Variants in TRIM71 observed in about 807,000 individuals in gnomAD.
The protein encoded by TRIM71 is E3 ubiquitin-protein ligase TRIM71.
A neutral mutation model predicts 61.2 loss-of-function variants in TRIM71; 9 were observed. The observed-to-expected ratio is 0.15, with a 90% CI of 0.09 to 0.26. The LOEUF (loss-of-function observed/expected upper bound fraction) is 0.26. Among genes scored for constraint, TRIM71 ranks in the 10% least tolerant of loss-of-function variants. TRIM71 has a pLI of 1.00. For missense variants in TRIM71, 998 were observed against 1,238.7 expected, an observed-to-expected ratio of 0.81 and a Z score of 2.92; for synonymous variants, 645 against 553.2, an observed-to-expected ratio of 1.17 and a Z score of -2.33.
intron 1 of TRIM71, among the ~76,000 whole-genome samples, chr3:32,823,859 G>T (rs1696168609): frequency 6.6e-6 from 1 of 152,126 alleles, no homozygotes; most frequent in South Asian, 2.1e-4. Flanking sequence ...GGATCACGAG[G>T]TCAAGAGATC....
intron 1 of TRIM71, among the ~76,000 whole-genome samples, chr3:32,819,514 C>T (rs564066204): frequency 3.9e-5 from 6 of 152,304 alleles, no homozygotes; most frequent in African/African-American, 1.4e-4. Flanking sequence ...GCAGTCCTTG[C>T]CTCCTTATGT....
chr3:32,873,693 G>A lies in TRIM71; in HGVS notation c.853-125G>A, dbSNP rs957088226. 5.9e-6 allele frequency: 5 copies of A among 840,670 alleles called. No individual in the cohort carries two copies. The African/African-American group carries it at 6.8e-5, about 11-fold the overall frequency. 52.1% of individuals were successfully genotyped at this position (840,670 alleles called of 1,614,324 possible). On this transcript the variant is annotated intron_variant, in intron 1 of 3. Transcript: ENST00000383763. ...TACGCCACTGCTGCCTCTCCCTTTG[G>A]GGTGTGCTTGCTCATTGGGGAAGCT...
chr3:32,836,396 T>C (rs1023374530), intron 1 of TRIM71, among the ~76,000 whole-genome samples: 1 of 152,172 alleles, frequency 6.6e-6, no homozygotes, highest in Non-Finnish European at 1.5e-5. Flanking sequence ...TGGGCTGATA[T>C]CTTGGGTTAA....
chr3:32,846,763 A>G (rs192435745), intron 1 of TRIM71, among the ~76,000 whole-genome samples: 229 of 150,274 alleles, frequency 1.5e-3, no homozygotes, highest in African/African-American at 5.4e-3. Context: ...TTTAGATTCC[A>G]TATATAAGTG....
At chr3:32,874,258 C>A (rs897220699) in intron 2 of TRIM71, among the ~76,000 whole-genome samples, 1 of 152,042 alleles carries the variant, frequency 6.6e-6, no homozygotes, top group African/African-American at 2.4e-5. Flanking sequence ...AGCCACCTCC[C>A]GAAATCAAAG....
At chr3:32,860,179 A>T (rs1384041149) in intron 1 of TRIM71, among the ~76,000 whole-genome samples, 1 of 126,112 alleles carries the variant, frequency 7.9e-6, no homozygotes, top group African/African-American at 3.1e-5. Context: ...TCCCTCTCTG[A>T]TGGAATTTCA....
At chr3:32,859,067 A>T (rs1696637767) in intron 1 of TRIM71, among the ~76,000 whole-genome samples, 1 of 152,108 alleles carries the variant, frequency 6.6e-6, no homozygotes, top group Non-Finnish European at 1.5e-5. Context: ...TGACCTGCTC[A>T]GTCTGGGCAG....
Position 32,893,604 on chromosome 3 carries a change from C to G in TRIM71, c.*1793C>G, listed in dbSNP as rs985701934. On this transcript the variant is annotated 3_prime_UTR_variant, in exon 4 of 4. Coordinates refer to ENST00000383763, the MANE Select transcript of TRIM71 (RefSeq NM_001039111.3). ...TCTTGTTTAAAGACTTATGGATCAA[C>G]TTCTGTTCCTCTGTTTAAGAGAAAT... 1 of 152,198 alleles carries G rather than the reference C, an allele frequency of 6.6e-6. No homozygotes were observed. The highest frequency in any genetic ancestry group is 1.5e-5 in the Non-Finnish European group (1 of 68,042). 9.4% of individuals were successfully genotyped at this position (152,198 alleles called of 1,614,324 possible).
At chr3:32,820,188 C>G (rs371337280) in intron 1 of TRIM71, among the ~76,000 whole-genome samples, 2 of 152,184 alleles carry the variant, frequency 1.3e-5, no homozygotes, top group Non-Finnish European at 2.9e-5. Context: ...GGGTCGTGGC[C>G]TGTGTGAGCT....
intron 2 of TRIM71, among the ~76,000 whole-genome samples, chr3:32,884,626 A>G (rs2125691838): frequency 6.6e-6 from 1 of 152,086 alleles, no homozygotes; most frequent in African/African-American, 2.4e-5. Flanking sequence ...CATGGGGTAG[A>G]AGGAGGGAAG....
At chr3:32,880,347 G>C (rs1247434488) in intron 2 of TRIM71, among the ~76,000 whole-genome samples, 1 of 152,136 alleles carries the variant, frequency 6.6e-6, no homozygotes, top group East Asian at 1.9e-4. Context: ...TTATTTTTAA[G>C]ATCAGTTTGT....
At chr3:32,820,802 C>T (rs1312155859) in intron 1 of TRIM71, among the ~76,000 whole-genome samples, 2 of 152,116 alleles carry the variant, frequency 1.3e-5, no homozygotes, top group Admixed American at 6.6e-5. Context: ...CTCCACTCAC[C>T]CTGGGAGGTA....
Position 32,894,216 on chromosome 3 carries a change from G to C in TRIM71, c.*2405G>C, listed in dbSNP as rs912527919. ...CAAAGACAACTGGTTTTAAATGCTT[G>C]AAAAAAATTTTATTGAGGAGATGGA... On this transcript the variant is annotated 3_prime_UTR_variant, in exon 4 of 4. Transcript: ENST00000383763. 3.9e-5 allele frequency: 6 copies of C among 151,992 alleles called. No homozygotes were observed. The highest frequency in any genetic ancestry group is 8.8e-5 in the Non-Finnish European group (6 of 67,982). The allele number at this position is 151,992 out of a possible 1,614,324, so 9.4% of individuals were successfully genotyped here.
At chr3:32,846,322 G>T (rs1248460006) in intron 1 of TRIM71, among the ~76,000 whole-genome samples, 1 of 152,062 alleles carries the variant, frequency 6.6e-6, no homozygotes, top group African/African-American at 2.4e-5. Context: ...TGATCCACAC[G>T]CCTCAGCCTC....
chr3:32,827,436 A>G (rs1476978907), intron 1 of TRIM71, among the ~76,000 whole-genome samples: 1 of 151,474 alleles, frequency 6.6e-6, no homozygotes, highest in Non-Finnish European at 1.5e-5. Context: ...CTAATTTTGT[A>G]TTTTTAGTAG....
At chr3:32,857,917 G>T (rs180709484) in intron 1 of TRIM71, among the ~76,000 whole-genome samples, 172 of 152,246 alleles carry the variant, frequency 1.1e-3, no homozygotes, top group Middle Eastern at 3.4e-3. Context: ...GCTGCAGCAA[G>T]CCGAGATCGC....
At chr3:32,841,736 T>C (rs1316277098) in intron 1 of TRIM71, among the ~76,000 whole-genome samples, 1 of 152,226 alleles carries the variant, frequency 6.6e-6, no homozygotes, top group Non-Finnish European at 1.5e-5. Flanking sequence ...TAAAGTTTAT[T>C]GTTTCCTTTT....
intron 1 of TRIM71, among the ~76,000 whole-genome samples, chr3:32,831,416 T>G (rs1696269258): frequency 6.6e-6 from 1 of 152,144 alleles, no homozygotes; most frequent in Non-Finnish European, 1.5e-5. Flanking sequence ...AAATTTATAT[T>G]GTAATGTATG....
chr3:32,822,594 C>T (rs760543076), intron 1 of TRIM71, among the ~76,000 whole-genome samples: 45 of 152,170 alleles, frequency 3.0e-4, no homozygotes, highest in Middle Eastern at 3.4e-3. Flanking sequence ...GTATATTATT[C>T]TCTGTTCCCA....
Sources: gnomAD v4.1 joint callset for allele counts (sites outside exome capture counted in the v4.1 genomes callset) on GRCh38, gnomAD v4.1.1 for gene constraint, MANE v1.5 for transcripts, NCBI Gene and HGNC (gene_info 2026-07-23, HGNC 2026-07-21) for gene names.